The following IMMP2L variants were observed in gnomAD, a reference collection of about 807,000 sequenced individuals.
IMMP2L encodes inner mitochondrial membrane peptidase subunit 2.
A neutral mutation model predicts 19.3 loss-of-function variants in IMMP2L; 18 were observed. The observed-to-expected ratio is 0.93, with a 90% confidence interval of 0.64 to 1.38. The LOEUF is 1.38. Among genes scored for constraint, IMMP2L ranks in the 40% most tolerant of loss-of-function variants. The pLI is 0.00. For missense variants in IMMP2L, 233 were observed against 218.2 expected, an observed-to-expected ratio of 1.07 and a Z score of -0.43; for synonymous variants, 76 against 73.0, an observed-to-expected ratio of 1.04 and a Z score of -0.21.
intron 5 of IMMP2L, among the ~76,000 whole-genome samples, chr7:110,743,522 AGTC>A: frequency 6.6e-6 from 1 of 151,582 alleles, no homozygotes; most frequent in East Asian, 2.0e-4. Context: ...CAACAGCTCT[AGTC>A]TGTAGTTCCC....
intron 5 of IMMP2L, among the ~76,000 whole-genome samples, chr7:110,806,965 T>C (rs1287176769): frequency 6.6e-6 from 1 of 151,958 alleles, no homozygotes; most frequent in Non-Finnish European, 1.5e-5. Context: ...TAGGTGTAAA[T>C]CCTTTAATAT....
chr7:110,984,449 A>G (rs1821646688), intron 3 of IMMP2L, among the ~76,000 whole-genome samples: 1 of 152,116 alleles, frequency 6.6e-6, no homozygotes, highest in Non-Finnish European at 1.5e-5. Flanking sequence ...TCAAAACACT[A>G]GAAGTGTGAA....
chr7:111,291,768 A>G (rs1451376182), intron 3 of IMMP2L, among the ~76,000 whole-genome samples: 2 of 152,190 alleles, frequency 1.3e-5, no homozygotes, highest in African/African-American at 4.8e-5. Context: ...TTCACCACAA[A>G]AAAATGACAA....
intron 3 of IMMP2L, among the ~76,000 whole-genome samples, chr7:111,329,489 T>C (rs555973678): frequency 5.9e-4 from 89 of 151,932 alleles, no homozygotes; most frequent in African/African-American, 2.1e-3. Flanking sequence ...AAGGGCAGGT[T>C]GAACCATGAT....
intron 3 of IMMP2L, among the ~76,000 whole-genome samples, chr7:111,117,926 G>T (rs1800089362): frequency 6.6e-6 from 1 of 152,056 alleles, no homozygotes; most frequent in South Asian, 2.1e-4. Flanking sequence ...GGCACACTTT[G>T]TTCTTAAGCT....
intron 3 of IMMP2L, among the ~76,000 whole-genome samples, chr7:111,197,915 A>C: frequency 6.6e-6 from 1 of 152,244 alleles, no homozygotes; most frequent in East Asian, 1.9e-4. Context: ...GATTTAAAGC[A>C]AAGATATACC....
chr7:111,429,955 G>C (rs1836466396), intron 3 of IMMP2L, among the ~76,000 whole-genome samples: 1 of 151,866 alleles, frequency 6.6e-6, no homozygotes, highest in African/African-American at 2.4e-5. Context: ...AGAAGGCTTA[G>C]GGTTTGGCTC....
At chr7:110,811,399 G>A (rs901884653) in intron 5 of IMMP2L, among the ~76,000 whole-genome samples, 1 of 152,016 alleles carries the variant, frequency 6.6e-6, no homozygotes, top group African/African-American at 2.4e-5. Context: ...TTAGCCTGGT[G>A]AGAAATGTGA....
chr7:110,927,269 C>T (rs1048556734), intron 4 of IMMP2L, among the ~76,000 whole-genome samples: 16 of 152,110 alleles, frequency 1.1e-4, no homozygotes, highest in South Asian at 1.0e-3. Context: ...CTACCTGAGC[C>T]GTATAGACAT....
intron 3 of IMMP2L, among the ~76,000 whole-genome samples, chr7:111,301,039 G>A (rs1252069603): frequency 6.6e-6 from 1 of 152,046 alleles, no homozygotes; most frequent in Non-Finnish European, 1.5e-5. Flanking sequence ...CAGAGTGGCT[G>A]TACAATTTTG....
chr7:111,178,628 G>A (rs1562891302), intron 3 of IMMP2L, among the ~76,000 whole-genome samples: 2 of 152,016 alleles, frequency 1.3e-5, no homozygotes, highest in African/African-American at 4.8e-5. Flanking sequence ...GTCCTTTGTT[G>A]TCACTTCAGC....
chr7:110,746,807 T>A (rs1584702614), intron 5 of IMMP2L, among the ~76,000 whole-genome samples: 1 of 152,132 alleles, frequency 6.6e-6, no homozygotes, highest in Non-Finnish European at 1.5e-5. Context: ...GCAGGAAAGA[T>A]CTAAAATCGA....
chr7:110,786,649 C>G (rs1192327677), intron 5 of IMMP2L, among the ~76,000 whole-genome samples: 1 of 151,946 alleles, frequency 6.6e-6, no homozygotes, highest in Non-Finnish European at 1.5e-5. Flanking sequence ...TTACAGTATG[C>G]AAATACAAAT....
intron 3 of IMMP2L, among the ~76,000 whole-genome samples, chr7:111,412,790 T>C (rs1834552806): frequency 6.6e-6 from 1 of 151,748 alleles, no homozygotes; most frequent in Non-Finnish European, 1.5e-5. Context: ...ACAATTCCAA[T>C]TGGCAACAAA....
chr7:111,269,851 G>A (rs1167732015), intron 3 of IMMP2L, among the ~76,000 whole-genome samples: 3 of 152,066 alleles, frequency 2.0e-5, no homozygotes, highest in African/African-American at 7.2e-5. Flanking sequence ...TCCTGGAGTT[G>A]CACCATTTTT....
At chr7:110,738,222 G>T (rs745529049) in intron 5 of IMMP2L, among the ~76,000 whole-genome samples, 1 of 152,194 alleles carries the variant, frequency 6.6e-6, no homozygotes, top group Non-Finnish European at 1.5e-5. Flanking sequence ...TCTCCGAATT[G>T]TTAGAAAAAG....
intron 3 of IMMP2L, among the ~76,000 whole-genome samples, chr7:111,206,995 A>G (rs189897712): frequency 6.6e-6 from 1 of 152,340 alleles, no homozygotes; most frequent in East Asian, 1.9e-4. Context: ...TGAATAAAAA[A>G]TAAGTTTTAC....
At chr7:111,375,638 C>T (rs569451203) in intron 3 of IMMP2L, among the ~76,000 whole-genome samples, 9 of 152,070 alleles carry the variant, frequency 5.9e-5, no homozygotes, top group Admixed American at 5.9e-4. Context: ...AATTCTCCTG[C>T]CTCAGCCTCC....
At chr7:111,057,846 A>G (rs1293639041) in intron 3 of IMMP2L, among the ~76,000 whole-genome samples, 4 of 152,204 alleles carry the variant, frequency 2.6e-5, no homozygotes, top group African/African-American at 9.7e-5. Context: ...TTAATGTAAA[A>G]CATGTGGCCA....
Sources: allele counts gnomAD v4.1 joint callset (sites outside exome capture counted in the v4.1 genomes callset), GRCh38; gene constraint gnomAD v4.1.1; transcripts MANE v1.5; gene names NCBI Gene and HGNC (gene_info 2026-07-23, HGNC 2026-07-21).